Variants in CHORDC1 observed in about 807,000 individuals in gnomAD.
CHORDC1 encodes cysteine and histidine rich domain containing 1.
Under a neutral mutation model 48.3 loss-of-function variants are expected in CHORDC1, and 25 were observed. The observed-to-expected ratio is 0.52, with a 90% CI of 0.38 to 0.72. The LOEUF is 0.72. CHORDC1 is among the 30% of genes least tolerant of loss of function. The pLI is 0.00. For synonymous variants in CHORDC1, 128 were observed against 126.4 expected, an observed-to-expected ratio of 1.01 and a Z score of -0.09; for missense variants, 317 against 388.7, an observed-to-expected ratio of 0.82 and a Z score of 1.55.
chr11:90,221,216 G>A lies in CHORDC1; in HGVS notation c.64+1675C>T, dbSNP rs1014807772. 2.6e-5 allele frequency among the ~76,000 whole-genome samples: 4 copies of A among 152,106 alleles called. No homozygotes were observed. In the South Asian group the frequency reaches 6.2e-4, roughly 24 times the overall value. ...TAACTTATTTCTGTCAACTGTACAA[G>A]GTCAAACCTCTTCCTAAAAAACCTC... On this transcript the variant is annotated intron_variant, in intron 1 of 10. Coordinates refer to ENST00000320585, the MANE Select transcript of CHORDC1 (RefSeq NM_012124.3).
intron 3 of CHORDC1, among the ~76,000 whole-genome samples, chr11:90,214,691 G>A (rs924740201): frequency 1.3e-5 from 2 of 151,940 alleles, no homozygotes; most frequent in African/African-American, 2.4e-5. Flanking sequence ...TTCAACAAAC[G>A]TTAGCTACTT....
chr11:90,203,404 T>C lies in CHORDC1; in HGVS notation c.693A>G (p.Arg231=). 6.3e-7 allele frequency: 1 copy of C among 1,576,442 alleles called. No homozygotes were observed. Among genetic ancestry groups the C allele is most frequent in the South Asian group, 1.2e-5 (1 of 85,540 alleles). ...KDAGKKVVPC[R]HDWHQTGGEV... ...CACCTCCAGTCTGATGCCAGTCATGTCTACATGGAACAACTTTTTTCCCCT... is the reference window on the plus strand; with the variant it reads ...CACCTCCAGTCTGATGCCAGTCATGCCTACATGGAACAACTTTTTTCCCCT... Residue 231 remains arginine (R), a synonymous_variant, in exon 9 of 11, where the codon AGA becomes AGG. Coordinates refer to ENST00000320585, the MANE Select transcript of CHORDC1 (RefSeq NM_012124.3).
chr11:90,204,039 A>G (rs1591048099), intron 8 of CHORDC1, among the ~76,000 whole-genome samples: 1 of 152,188 alleles, frequency 6.6e-6, no homozygotes, highest in South Asian at 2.1e-4. Flanking sequence ...GATTTGTTAT[A>G]TAAATGAGAA....
chr11:90,210,654 A>C (rs2135040916), intron 5 of CHORDC1, 60 bp from the exon 6 acceptor site: 1 of 1,084,748 alleles, frequency 9.2e-7, no homozygotes, highest in Non-Finnish European at 1.4e-6. Flanking sequence ...CTGTGGCATC[A>C]TTCTTAAAAA....
chr11:90,218,379 G>A (rs1858073778), intron 1 of CHORDC1, among the ~76,000 whole-genome samples, 195 bp from the exon 2 acceptor site: 2 of 151,998 alleles, frequency 1.3e-5, no homozygotes, highest in Non-Finnish European at 2.9e-5. Context: ...TCTAATTCAA[G>A]CATATGATGA....
chr11:90,206,585 G>C (rs1339196530), intron 6 of CHORDC1: 1 of 354,572 alleles, frequency 2.8e-6, no homozygotes. Context: ...TGAAACCAAG[G>C]GATTAATACT....
At chr11:90,216,993 A>G (rs1858028806) in intron 2 of CHORDC1, among the ~76,000 whole-genome samples, 1 of 152,228 alleles carries the variant, frequency 6.6e-6, no homozygotes, top group Non-Finnish European at 1.5e-5. Context: ...TCTAGGAAAA[A>G]TAAAATTCCA....
At chr11:90,221,279 C>T (rs764651708) in intron 1 of CHORDC1, among the ~76,000 whole-genome samples, 17 of 152,258 alleles carry the variant, frequency 1.1e-4, no homozygotes, top group Middle Eastern at 3.4e-3. Flanking sequence ...TCTCCTACTC[C>T]GTATCTCCAT....
chr11:90,202,811 A>T lies in CHORDC1; in HGVS notation c.852+2T>A. 1 of 1,594,562 alleles carries T rather than the reference A, an allele frequency of 6.3e-7. No homozygotes were observed. The highest frequency in any genetic ancestry group is 8.5e-7 in the Non-Finnish European group (1 of 1,172,676). ...AAATTCTTATAAATTTGTAATACTT[A>T]CACCCCATAATTTCACATTTTGATC... On this transcript the variant is annotated splice_donor_variant, in intron 10 of 10. Transcript: ENST00000320585. LOFTEE classifies it high-confidence loss of function.
chr11:90,211,453 A>T (rs1397822756), intron 4 of CHORDC1, 135 bp from the exon 5 acceptor site: 3 of 632,748 alleles, frequency 4.7e-6, no homozygotes, highest in African/African-American at 1.9e-5. Flanking sequence ...AAAGGTTAAA[A>T]GGTATTTTAT....
chr11:90,207,878 G>C (rs763279201), intron 6 of CHORDC1: 4 of 151,134 alleles, frequency 2.6e-5, no homozygotes, highest in Admixed American at 6.6e-5. Flanking sequence ...AACCACCTTG[G>C]AAAACTATGT....
rs773044770 is a variant in CHORDC1 at position 90,202,888 on chromosome 11, T to C, written c.790-13A>G. On this transcript the variant is annotated splice_polypyrimidine_tract_variant and intron_variant, in intron 9 of 10. Transcript: ENST00000320585. Reference sequence around the variant, plus strand: ...TATGCACATTTAACTGAAAAAGATATACACAGTTAATTGATCTAATTCAAA... The same window carrying C: ...TATGCACATTTAACTGAAAAAGATACACACAGTTAATTGATCTAATTCAAA... 1 of 1,581,988 alleles carries C rather than the reference T, an allele frequency of 6.3e-7. No homozygotes were observed. Among genetic ancestry groups the C allele is most frequent in the Admixed American group, 1.9e-5 (1 of 52,496 alleles).
rs767990616 is a variant in CHORDC1 at position 90,218,161 on chromosome 11, C to T, written c.88G>A (p.Val30Ile). The change falls in exon 2 of 11, where the codon GTT (valine) becomes ATT (isoleucine). Residue 30 changes from valine to isoleucine, a missense_variant. By Grantham distance (29) the Val-to-Ile change is conservative (BLOSUM62 3). Transcript: ENST00000320585. Reference sequence around the variant, plus strand: ...TTTAATGCATCGTGAAAGACCGGAACACCTGGGTGGTATGTGCAAGCATCT... The same window carrying T: ...TTTAATGCATCGTGAAAGACCGGAATACCTGGGTGGTATGTGCAAGCATCT... ...SDDACTYHPG[V>I]PVFHDALKGW... 11 of 1,574,318 alleles carry T rather than the reference C, an allele frequency of 7.0e-6. No individual in the cohort carries two copies. The highest frequency in any genetic ancestry group is 1.4e-5 in the African/African-American group (1 of 71,482).
In CHORDC1 at chr11:90,202,869, C is replaced by T; in HGVS notation, c.796G>A (p.Val266Met). Residue 266 changes from valine (V) to methionine (M), a missense_variant, in exon 10 of 11, where the codon GTG (valine) becomes ATG (methionine). By Grantham distance (21) the Val-to-Met change is conservative. Coordinates refer to ENST00000320585, the MANE Select transcript of CHORDC1 (RefSeq NM_012124.3). The stretch of plus-strand genomic sequence containing the variant: ...TTCTCTCCTTCAAATACAATATGCA[C>T]ATTTAACTGAAAAAGATATACACAG... ...RVEANSTLLN[V>M]HIVFEGEKEF... The T allele has an allele frequency of 6.3e-7, 1 of 1,598,878 alleles. No homozygotes were observed. Among genetic ancestry groups the T allele is most frequent in the Non-Finnish European group, 8.5e-7 (1 of 1,172,250 alleles).
chr11:90,213,911 C>A, intron 4 of CHORDC1, 107 bp downstream of exon 4: 1 of 947,952 alleles, frequency 1.1e-6, no homozygotes, highest in Non-Finnish European at 1.6e-6. Flanking sequence ...AGCTTGGTGG[C>A]CTACATAGTA....
In CHORDC1 at chr11:90,202,381, A is replaced by C. The variant is rs369857741; in HGVS notation, c.*24T>G. Reference sequence around the variant, plus strand: ...AGTATTAAAAATTCGGAAATAATGTAATAGCCTTCCTTCCATCTCCCACTC... The same window carrying C: ...AGTATTAAAAATTCGGAAATAATGTCATAGCCTTCCTTCCATCTCCCACTC... On this transcript the variant is annotated 3_prime_UTR_variant, in exon 11 of 11. Transcript: ENST00000320585. The C allele has an allele frequency of 1.1e-5, 18 of 1,606,690 alleles. No homozygotes were observed. The highest frequency in any genetic ancestry group is 1.5e-5 in the Non-Finnish European group (18 of 1,175,828).
rs1857939431 is a variant in CHORDC1, at chr11:90,214,015, T to C, written c.329+3A>G. Reference sequence around the variant, plus strand: ...CAAAAATATGTAACTGTATAAAGTATACCTTGGTCTTTTTATTGCTTCTAC... The same window carrying C: ...CAAAAATATGTAACTGTATAAAGTACACCTTGGTCTTTTTATTGCTTCTAC... On this transcript the variant is annotated splice_donor_region_variant and intron_variant, in intron 4 of 10. Transcript: ENST00000320585. 6.2e-7 allele frequency: 1 copy of C among 1,608,934 alleles called. No homozygotes were observed. The highest frequency in any genetic ancestry group is 8.5e-7 in the Non-Finnish European group (1 of 1,177,682).
chr11:90,210,248 A>T (rs1857822756), intron 6 of CHORDC1, among the ~76,000 whole-genome samples: 1 of 152,200 alleles, frequency 6.6e-6, no homozygotes, highest in Non-Finnish European at 1.5e-5. Context: ...CAGCTCCATA[A>T]GAAAAGAAAT....
rs1479248675 is a variant in CHORDC1, at chr11:90,203,315, C to T, written c.782G>A (p.Ser261Asn). ...ATTATAAGATGTACTTACCAATGTG[C>T]TATTTGCTTCTACTCGGCTAAGTTC... is the stretch of plus-strand genomic sequence containing the variant. ...LPELSRVEAN[S>N]TLLNVHIVFE... is the part of the protein sequence containing the mutation. The change falls in exon 9 of 11, where the codon AGC becomes AAC. Residue 261 changes from serine (S) to asparagine (N), a missense_variant. Coordinates refer to ENST00000320585, the MANE Select transcript of CHORDC1 (RefSeq NM_012124.3). The T allele has an allele frequency of 6.9e-6, 11 of 1,590,552 alleles. No homozygotes were observed. Among genetic ancestry groups the T allele is most frequent in the Non-Finnish European group, 7.7e-6 (9 of 1,164,412 alleles).
Sources: gnomAD v4.1 joint callset for allele counts (sites outside exome capture counted in the v4.1 genomes callset) on GRCh38, gnomAD v4.1.1 for gene constraint, MANE v1.5 for transcripts, NCBI Gene and HGNC (gene_info 2026-07-23, HGNC 2026-07-21) for gene names.